Variants in CHM observed in about 807,000 individuals in gnomAD.
CHM encodes the protein CHM Rab escort protein.
Under a neutral mutation model 49.0 loss-of-function variants are expected in CHM, and 10 were observed. The observed-to-expected ratio is 0.20, with a 90% confidence interval of 0.13 to 0.35. The LOEUF (loss-of-function observed/expected upper bound fraction) is 0.35, where lower values mean the gene tolerates loss of function less well. Ranked by LOEUF, CHM falls within the 10% of genes least tolerant of loss-of-function variation. The pLI, the probability that CHM is intolerant of heterozygous loss-of-function variation, is 1.00. For missense variants in CHM, 455 were observed against 478.4 expected, an observed-to-expected ratio of 0.95 and a Z score of 0.46; for synonymous variants, 184 against 167.5, an observed-to-expected ratio of 1.10 and a Z score of -0.76.
chrX:86,027,612 T>C, intron 1 of CHM, 55 bp from the exon 2 acceptor site: 1 of 1,043,742 alleles, frequency 9.6e-7, no homozygotes, highest in Admixed American at 2.2e-5. Context: ...ATATTTTACA[T>C]AAAATGTTCA....
At chrX:86,016,426 C>G (rs1055382339) in intron 2 of CHM, among the ~76,000 whole-genome samples, 1 of 111,852 alleles carries the variant, frequency 8.9e-6, no homozygotes, top group African/African-American at 3.2e-5. Context: ...TTGGGCCAAG[C>G]CGGGGATCCC....
chrX:85,998,308 C>T (rs917407613), intron 2 of CHM, among the ~76,000 whole-genome samples: 19 of 111,348 alleles, frequency 1.7e-4, no homozygotes, highest in Admixed American at 1.6e-3. Flanking sequence ...CATCCTTTCA[C>T]TCATACTCTC....
In CHM at chrX:85,863,916, C is replaced by G. The variant is rs1409871991; in HGVS notation, c.*714G>C. 1 of 112,030 alleles carries G rather than the reference C, an allele frequency of 8.9e-6. No homozygotes were observed. The highest frequency in any genetic ancestry group is 9.5e-5 in the Admixed American group (1 of 10,521). The allele number at this position is 112,030 out of a possible 1,213,427, so 9.2% of individuals were successfully genotyped here. ...TTAGCCTAATACTCTAGTTACTTGACAGACAGAATATTCAAATACCAATGA... is the reference window on the plus strand; with the variant it reads ...TTAGCCTAATACTCTAGTTACTTGAGAGACAGAATATTCAAATACCAATGA... On this transcript the variant is annotated 3_prime_UTR_variant, in exon 15 of 15. Transcript: ENST00000357749.
At chrX:85,928,439 A>T (rs1041012905) in intron 8 of CHM, among the ~76,000 whole-genome samples, 2 of 110,567 alleles carry the variant, frequency 1.8e-5, no homozygotes, top group African/African-American at 6.6e-5. Flanking sequence ...GCTACTCGAG[A>T]GGCTGAGGCA....
chrX:85,894,098 T>C, intron 12 of CHM, 90 bp downstream of exon 12: 1 of 653,136 alleles, frequency 1.5e-6, no homozygotes, highest in Middle Eastern at 3.1e-4. Flanking sequence ...TAAGAAAATC[T>C]CTACAAATAC....
intron 12 of CHM, among the ~76,000 whole-genome samples, chrX:85,890,516 G>C (rs759493679): frequency 2.7e-5 from 3 of 111,324 alleles, no homozygotes; most frequent in Non-Finnish European, 5.7e-5. Flanking sequence ...CGCTATTCTC[G>C]TGATAGTGAA....
chrX:85,969,045 T>C (rs1930734536), intron 4 of CHM: 2 of 635,990 alleles, frequency 3.1e-6, no homozygotes, highest in African/African-American at 4.9e-5. Flanking sequence ...GCTTGTATAA[T>C]TTTTAAGTGG....
In CHM at chrX:85,864,231, A is replaced by T. The variant is rs1254817139; in HGVS notation, c.*399T>A. The T allele has an allele frequency of 1.3e-5, 2 of 159,811 alleles. No individual in the cohort carries two copies. Among genetic ancestry groups the T allele is most frequent in the Non-Finnish European group, 2.4e-5 (2 of 83,832 alleles). The allele number at this position is 159,811 out of a possible 1,213,427, so 13.2% of individuals were successfully genotyped here. A position where few individuals can be genotyped will look rare whatever the true frequency, so the allele number is the denominator to read the frequency against. On this transcript the variant is annotated 3_prime_UTR_variant, in exon 15 of 15. Coordinates refer to ENST00000357749, the MANE Select transcript of CHM (RefSeq NM_000390.4). ...CTTGTCCATAAAGAAAATAAAATTC[A>T]AATAACCAAAGAAAATACATGAGCT...
Position 85,909,543 on chromosome X carries a change from TG to T in CHM, c.1244+1717del, listed in dbSNP as rs768370676. Among the ~76,000 whole-genome samples, 360 of 111,909 alleles carry T rather than the reference TG, an allele frequency of 3.2e-3. 1 individual carries two copies. Among genetic ancestry groups the T allele is most frequent in the African/African-American group, 0.011 (348 of 30,850 alleles). On this transcript the variant is annotated intron_variant, in intron 9 of 14. Coordinates refer to ENST00000357749, the MANE Select transcript of CHM (RefSeq NM_000390.4). ...GGTAATTTTTGGGCACATTAAAGTT[TG>T]AAAACCACCAATCTAGAGATTCATT...
chrX:85,879,146 T>A lies in CHM; in HGVS notation c.1511-83A>T, dbSNP rs1025417692. 18 of 683,446 alleles carry A rather than the reference T, an allele frequency of 2.6e-5. No homozygotes were observed. In the Admixed American group the frequency reaches 4.9e-4, roughly 18 times the overall value. 56.3% of individuals were successfully genotyped at this position (683,446 alleles called of 1,213,427 possible). A position where few individuals can be genotyped will look rare whatever the true frequency, so the allele number is the denominator to read the frequency against. Reference sequence around the variant, plus strand: ...TAAGGCATTAAGCTGGTATTATGGATAATAGAGAGCTGAGCAAGTCATGGT... The same window carrying A: ...TAAGGCATTAAGCTGGTATTATGGAAAATAGAGAGCTGAGCAAGTCATGGT... On this transcript the variant is annotated intron_variant, in intron 12 of 14. Coordinates refer to ENST00000357749, the MANE Select transcript of CHM (RefSeq NM_000390.4).
chrX:85,992,757 G>A (rs766079284), intron 2 of CHM, among the ~76,000 whole-genome samples: 3 of 111,968 alleles, frequency 2.7e-5, no homozygotes, highest in South Asian at 7.4e-4. Flanking sequence ...TATTTCTCAC[G>A]TACAACATGT....
intron 12 of CHM, among the ~76,000 whole-genome samples, chrX:85,892,350 C>A (rs1925523099): frequency 1.8e-5 from 2 of 111,164 alleles, no homozygotes; most frequent in African/African-American, 6.6e-5. Context: ...TTGTATCTCC[C>A]AGAATTCCCA....
At chrX:86,023,320 A>T (rs1175731733) in intron 2 of CHM, among the ~76,000 whole-genome samples, 2 of 111,279 alleles carry the variant, frequency 1.8e-5, no homozygotes, top group Non-Finnish European at 3.8e-5. Context: ...AACTACGTGT[A>T]GTTTCCCAAA....
chrX:85,868,226 G>C (rs1418711144), intron 14 of CHM, among the ~76,000 whole-genome samples: 1 of 111,760 alleles, frequency 8.9e-6, no homozygotes, highest in Non-Finnish European at 1.9e-5. Context: ...AAAAAGTTGA[G>C]GGTGGTTGCC....
At chrX:85,910,718 C>A (rs764258523) in intron 9 of CHM, among the ~76,000 whole-genome samples, 2 of 111,160 alleles carry the variant, frequency 1.8e-5, no homozygotes, top group East Asian at 5.7e-4. Context: ...TCATTAAAGT[C>A]TTTTCTCTTG....
chrX:85,871,304 CAA>C (rs150005971), intron 14 of CHM, among the ~76,000 whole-genome samples: 2,935 of 62,021 alleles, frequency 0.047, 167 homozygotes, highest in African/African-American at 0.19. Flanking sequence ...AAGACTGTCT[CAA>C]AAAAAAAAAA....
intron 4 of CHM, among the ~76,000 whole-genome samples, chrX:85,977,849 G>T (rs962456759): frequency 2.0e-5 from 2 of 99,758 alleles, no homozygotes; most frequent in South Asian, 8.1e-4. Flanking sequence ...ATATTATGGG[G>T]AAAGAATGCT....
chrX:85,968,272 G>T (rs991004477), intron 4 of CHM, among the ~76,000 whole-genome samples: 1 of 111,898 alleles, frequency 8.9e-6, no homozygotes, highest in South Asian at 3.7e-4. Context: ...ATGATACATT[G>T]GTAGATATAT....
At chrX:85,936,267 T>C (rs1928773694) in intron 8 of CHM, among the ~76,000 whole-genome samples, 1 of 112,392 alleles carries the variant, frequency 8.9e-6, no homozygotes. Flanking sequence ...TATAAATTAA[T>C]CTTTCAGTAA....
Sources: gnomAD v4.1 joint callset for allele counts (sites outside exome capture counted in the v4.1 genomes callset) on GRCh38, gnomAD v4.1.1 for gene constraint, MANE v1.5 for transcripts, NCBI Gene and HGNC (gene_info 2026-07-23, HGNC 2026-07-21) for gene names.